Variants in SULT1C3 observed in about 807,000 individuals in gnomAD.
SULT1C3 encodes sulfotransferase family 1C member 3.
SULT1C3 carries 31 observed loss-of-function variants against 28.4 expected under a neutral mutation model. The observed-to-expected ratio is 1.09, with a 90% CI of 0.82 to 1.47. The LOEUF (loss-of-function observed/expected upper bound fraction) is 1.47, where lower values mean the gene tolerates loss of function less well. Ranked by LOEUF, SULT1C3 falls within the 40% of genes most tolerant of loss-of-function variation. The pLI, the probability that SULT1C3 is intolerant of heterozygous loss-of-function variation, is 0.00. For synonymous variants in SULT1C3, 106 were observed against 92.2 expected (o/e 1.15, Z -0.86); for missense variants, 307 against 272.5 (o/e 1.13, Z -0.89).
chr2:108,258,637 T>C (rs2198463), intron 5 of SULT1C3, 97 bp from the exon 6 acceptor site: 1 of 854,766 alleles, frequency 1.2e-6, no homozygotes, highest in South Asian at 2.0e-5. Flanking sequence ...ACCAGAACGA[T>C]AGTTACAGAA....
chr2:108,246,659 A>G (rs894198262), intron 1 of SULT1C3, among the ~76,000 whole-genome samples: 1 of 152,236 alleles, frequency 6.6e-6, no homozygotes, highest in Non-Finnish European at 1.5e-5. Flanking sequence ...AAAAAAAACT[A>G]CATGAAATTA....
chr2:108,253,841 G>A (rs1675796391), intron 4 of SULT1C3, among the ~76,000 whole-genome samples: 1 of 151,940 alleles, frequency 6.6e-6, no homozygotes, highest in Non-Finnish European at 1.5e-5. Context: ...TCTTGTCAAG[G>A]CTTCCACACC....
At chr2:108,259,905 C>A (rs1011678309) in intron 7 of SULT1C3, among the ~76,000 whole-genome samples, 1 of 152,088 alleles carries the variant, frequency 6.6e-6, no homozygotes, top group Admixed American at 6.6e-5. Context: ...AAAACAGTGA[C>A]CCCATTCCAG....
chr2:108,252,445 G>A lies in SULT1C3; in HGVS notation c.253G>A (p.Asp85Asn). ...VEKCKRAQTL[D>N]RHAFLELKFP... is the part of the protein sequence containing the mutation. ...GAAATGCAAAAGAGCCCAGACTCTA[G>A]ATAGACACGCTTTCCTTGAACTGAA... The change falls in exon 3 of 8, where the codon GAT (aspartate) becomes AAT (asparagine). Residue 85 changes from aspartate to asparagine, a missense_variant. Physicochemically the swap from Asp to Asn is conservative, Grantham distance 23. Transcript: ENST00000681802. 3 of 1,612,466 alleles carry A rather than the reference G, an allele frequency of 1.9e-6. No individual in the cohort carries two copies. Among genetic ancestry groups the A allele is most frequent in the Non-Finnish European group, 2.5e-6 (3 of 1,179,092 alleles).
At chr2:108,261,433 A>G (rs911940725), downstream of SULT1C3, among the ~76,000 whole-genome samples, 4 of 152,160 alleles carry the variant, frequency 2.6e-5, no homozygotes, top group Non-Finnish European at 4.4e-5. Context: ...CTTAATAAAG[A>G]GTCTCTGTTG....
chr2:108,245,859 G>A (rs1675565310), intron 1 of SULT1C3, among the ~76,000 whole-genome samples: 6 of 152,066 alleles, frequency 3.9e-5, no homozygotes, highest in Admixed American at 3.9e-4. Context: ...TGCATTGTCA[G>A]GCTGCAAATT....
chr2:108,240,139 T>C (rs1254062512), intron 1 of SULT1C3, among the ~76,000 whole-genome samples, 56 bp downstream of exon 1: 1 of 152,220 alleles, frequency 6.6e-6, no homozygotes, highest in Non-Finnish European at 1.5e-5. Context: ...CACCAGGCCC[T>C]GGAAAAGGGT....
intron 5 of SULT1C3, 114 bp from the exon 6 acceptor site, chr2:108,258,620 T>A: frequency 1.3e-6 from 1 of 749,930 alleles, no homozygotes; most frequent in Non-Finnish European, 2.2e-6. Context: ...TTCCACTTCG[T>A]TAAGGAACCA....
chr2:108,243,252 C>T (rs1201182344), intron 1 of SULT1C3, among the ~76,000 whole-genome samples: 5 of 152,190 alleles, frequency 3.3e-5, no homozygotes, highest in African/African-American at 1.2e-4. Flanking sequence ...CTTGCCCATC[C>T]CTGGGGACAG....
At chr2:108,245,955 G>A (rs2104383248) in intron 1 of SULT1C3, among the ~76,000 whole-genome samples, 1 of 152,280 alleles carries the variant, frequency 6.6e-6, no homozygotes, top group East Asian at 1.9e-4. Context: ...TTGATGCTCA[G>A]AAATTTATTC....
downstream of SULT1C3, chr2:108,264,690 G>A (rs146731721): frequency 4.1e-3 from 3,619 of 881,262 alleles, 9 homozygotes; most frequent in Non-Finnish European, 5.5e-3. Flanking sequence ...GGCACTAGGA[G>A]TCACTTGAGA....
At chr2:108,264,874 T>C, downstream of SULT1C3, 1 of 1,613,736 alleles carries the variant, frequency 6.2e-7, no homozygotes, top group Non-Finnish European at 8.5e-7. Context: ...GAAAAAGACA[T>C]ATCAGAGGAA....
chr2:108,262,167 C>G (rs902186976), downstream of SULT1C3, among the ~76,000 whole-genome samples: 4 of 152,096 alleles, frequency 2.6e-5, no homozygotes, highest in African/African-American at 7.2e-5. Context: ...ATTCCTTGAT[C>G]ACTCCTGCCT....
downstream of SULT1C3, among the ~76,000 whole-genome samples, chr2:108,262,478 G>T (rs1573228582): frequency 1.3e-5 from 2 of 152,290 alleles, no homozygotes; most frequent in South Asian, 2.1e-4. Flanking sequence ...GATGATACCT[G>T]CCTGCCTTTG....
At chr2:108,261,980 G>A (rs1346413187), downstream of SULT1C3, among the ~76,000 whole-genome samples, 1 of 152,076 alleles carries the variant, frequency 6.6e-6, no homozygotes, top group Non-Finnish European at 1.5e-5. Context: ...GAAGATGGGG[G>A]CATTTGAACC....
chr2:108,251,249 G>C (rs1675719386), intron 2 of SULT1C3, among the ~76,000 whole-genome samples: 1 of 151,934 alleles, frequency 6.6e-6, no homozygotes, highest in Non-Finnish European at 1.5e-5. Flanking sequence ...GAAGTGAGGG[G>C]ATTAGAAAAT....
At chr2:108,242,939 T>C (rs912542022) in intron 1 of SULT1C3, among the ~76,000 whole-genome samples, 2 of 152,192 alleles carry the variant, frequency 1.3e-5, no homozygotes, top group African/African-American at 4.8e-5. Flanking sequence ...TAAATATACC[T>C]ATAACTTGAA....
At chr2:108,253,563 CT>C (rs1675788032) in intron 4 of SULT1C3, 121 bp downstream of exon 4, 2 of 468,250 alleles carry the variant, frequency 4.3e-6, no homozygotes, top group Admixed American at 8.9e-5. Context: ...TGCTATTTTT[CT>C]TAGATGAAGC....
intron 2 of SULT1C3, among the ~76,000 whole-genome samples, chr2:108,248,438 C>A (rs1230448005): frequency 6.6e-6 from 1 of 151,970 alleles, no homozygotes; most frequent in Non-Finnish European, 1.5e-5. Context: ...TTATAGGGTG[C>A]AAAAGAAAAA....
Sources: gnomAD v4.1 joint callset for allele counts (sites outside exome capture counted in the v4.1 genomes callset) on GRCh38, gnomAD v4.1.1 for gene constraint, MANE v1.5 for transcripts, NCBI Gene and HGNC (gene_info 2026-07-23, HGNC 2026-07-21) for gene names.